The following KLF12 variants were observed in gnomAD, a reference collection of about 807,000 sequenced individuals.
KLF12 encodes Krueppel-like factor 12.
Under a neutral mutation model 37.8 loss-of-function variants are expected in KLF12, and 9 were observed. The observed-to-expected ratio is 0.24, with a 90% CI of 0.14 to 0.42. The LOEUF is 0.42. Ranked by LOEUF, KLF12 falls within the 10% of genes least tolerant of loss-of-function variation. The pLI, the probability that KLF12 is intolerant of heterozygous loss-of-function variation, is 1.00. For missense variants in KLF12, 411 were observed against 516.0 expected, an observed-to-expected ratio of 0.80 and a Z score of 1.97; for synonymous variants, 208 against 202.1, an observed-to-expected ratio of 1.03 and a Z score of -0.25.
intron 1 of KLF12, among the ~76,000 whole-genome samples, chr13:74,096,134 T>C (rs1317053310): frequency 6.6e-6 from 1 of 152,216 alleles, no homozygotes; most frequent in Non-Finnish European, 1.5e-5. Flanking sequence ...AAGATTCTCC[T>C]CTTTCCCTTT....
chr13:73,771,162 T>C (rs1276371451), intron 5 of KLF12, among the ~76,000 whole-genome samples: 1 of 152,172 alleles, frequency 6.6e-6, no homozygotes, highest in Non-Finnish European at 1.5e-5. Context: ...TTAGTTCTCA[T>C]GGCACGGGGT....
chr13:74,207,192 A>G, the KLF12 span, among the ~76,000 whole-genome samples: 4 of 152,194 alleles, frequency 2.6e-5, no homozygotes, highest in African/African-American at 9.6e-5. Flanking sequence ...TCAAAGCATT[A>G]GTCCATTCAT....
At chr13:74,022,602 G>A (rs1243183061) in intron 1 of KLF12, among the ~76,000 whole-genome samples, 1 of 151,134 alleles carries the variant, frequency 6.6e-6, no homozygotes, top group Non-Finnish European at 1.5e-5. Context: ...CCTTCATGTG[G>A]GCCCAAGACA....
chr13:74,007,877 G>A, intron 1 of KLF12, among the ~76,000 whole-genome samples: 1 of 149,462 alleles, frequency 6.7e-6, no homozygotes, highest in Admixed American at 6.6e-5. Flanking sequence ...ACAAACAACT[G>A]GTACATGGAA....
At chr13:74,191,973 C>T in the KLF12 span, among the ~76,000 whole-genome samples, 1 of 152,042 alleles carries the variant, frequency 6.6e-6, no homozygotes, top group African/African-American at 2.4e-5. Flanking sequence ...TTTCTCCTTT[C>T]ACTTCAAATT....
chr13:73,818,987 C>T (rs1276902136), intron 4 of KLF12, among the ~76,000 whole-genome samples: 1 of 152,122 alleles, frequency 6.6e-6, no homozygotes, highest in Non-Finnish European at 1.5e-5. Context: ...AGGGGGAGTG[C>T]AGGAACAAAG....
intron 6 of KLF12, among the ~76,000 whole-genome samples, chr13:73,726,948 C>G (rs1010355211): frequency 6.6e-6 from 1 of 152,182 alleles, no homozygotes; most frequent in Admixed American, 6.5e-5. Context: ...CTCACCAACG[C>G]ATAATGTCAG....
chr13:73,983,414 C>T (rs564276173), intron 2 of KLF12, among the ~76,000 whole-genome samples: 10 of 152,186 alleles, frequency 6.6e-5, no homozygotes, highest in African/African-American at 1.4e-4. Flanking sequence ...CCTTCTGGTT[C>T]GTGAACCTCT....
intron 4 of KLF12, among the ~76,000 whole-genome samples, chr13:73,818,897 T>C (rs1883377440): frequency 6.6e-6 from 1 of 152,210 alleles, no homozygotes; most frequent in Non-Finnish European, 1.5e-5. Context: ...TTGTTCGCCC[T>C]GCCAAGGCTG....
the KLF12 span, among the ~76,000 whole-genome samples, chr13:74,200,347 C>T: frequency 9.9e-5 from 15 of 151,924 alleles, no homozygotes; most frequent in African/African-American, 2.4e-4. Flanking sequence ...TAGAACTGAC[C>T]GGCTGGGGGA....
intron 5 of KLF12, among the ~76,000 whole-genome samples, chr13:73,798,576 C>A (rs1882121109): frequency 1.3e-5 from 2 of 151,968 alleles, no homozygotes; most frequent in East Asian, 1.9e-4. Context: ...AAGAGAAAAC[C>A]AAACAATCCC....
chr13:73,871,712 A>G (rs1886475082), intron 3 of KLF12, among the ~76,000 whole-genome samples: 2 of 152,146 alleles, frequency 1.3e-5, no homozygotes, highest in Non-Finnish European at 2.9e-5. Flanking sequence ...CATCTTTAGG[A>G]CACAGTTCAG....
intron 1 of KLF12, among the ~76,000 whole-genome samples, chr13:74,060,110 T>C (rs1873485194): frequency 6.6e-6 from 1 of 152,180 alleles, no homozygotes; most frequent in Non-Finnish European, 1.5e-5. Flanking sequence ...TTTTCTCTAT[T>C]GATCTATGCA....
chr13:74,265,522 G>A, the KLF12 span, among the ~76,000 whole-genome samples: 1 of 152,150 alleles, frequency 6.6e-6, no homozygotes, highest in Non-Finnish European at 1.5e-5. Flanking sequence ...CTGAAGAAAA[G>A]AATATAAGTA....
At chr13:73,999,920 C>T (rs1892227396) in intron 1 of KLF12, among the ~76,000 whole-genome samples, 1 of 152,114 alleles carries the variant, frequency 6.6e-6, no homozygotes, top group Non-Finnish European at 1.5e-5. Context: ...GTGATGCCAT[C>T]ATGGAAAAGA....
chr13:74,025,591 T>C (rs1482493180), intron 1 of KLF12, among the ~76,000 whole-genome samples: 1 of 150,326 alleles, frequency 6.7e-6, no homozygotes, highest in Non-Finnish European at 1.5e-5. Context: ...AATCAGTGAG[T>C]AGTCTAAACA....
At chr13:73,973,855 T>C (rs995194716) in intron 2 of KLF12, among the ~76,000 whole-genome samples, 1 of 152,004 alleles carries the variant, frequency 6.6e-6, no homozygotes, top group Non-Finnish European at 1.5e-5. Flanking sequence ...AAAAAGTGAT[T>C]ATCAACGAAT....
chr13:73,883,093 T>C (rs998191819), intron 3 of KLF12, among the ~76,000 whole-genome samples: 1 of 152,198 alleles, frequency 6.6e-6, no homozygotes, highest in Admixed American at 6.5e-5. Context: ...ATAATTACTA[T>C]CATTAAAATC....
intron 5 of KLF12, among the ~76,000 whole-genome samples, chr13:73,811,349 T>G (rs1049358505): frequency 6.6e-6 from 1 of 152,106 alleles, no homozygotes; most frequent in African/African-American, 2.4e-5. Context: ...TTTTTGGAGC[T>G]CAAAGTTCTA....
Sources: allele counts gnomAD v4.1 joint callset (sites outside exome capture counted in the v4.1 genomes callset), GRCh38; gene constraint gnomAD v4.1.1; transcripts MANE v1.5; gene names NCBI Gene and HGNC (gene_info 2026-07-23, HGNC 2026-07-21).